The following MARCHF6 variants were observed in gnomAD, a reference collection of about 807,000 sequenced individuals.
MARCHF6 encodes the protein membrane associated ring-CH-type finger 6, also known as E3 ubiquitin-protein ligase MARCHF6.
MARCHF6 carries 31 observed loss-of-function variants against 133.7 expected under a neutral mutation model. The ratio of observed to expected loss-of-function variants is 0.23; its 90% CI spans 0.17 to 0.31. MARCHF6 has a LOEUF of 0.31. Among genes scored for constraint, MARCHF6 ranks in the 10% least tolerant of loss-of-function variants. The pLI, the probability that MARCHF6 is intolerant of heterozygous loss-of-function variation, is 1.00. For synonymous variants in MARCHF6, 395 were observed against 402.5 expected (o/e 0.98, Z 0.22); for missense variants, 723 against 1,121.6 (o/e 0.64, Z 5.08).
chr5:10,362,091 C>T (rs1156315016), intron 1 of MARCHF6, among the ~76,000 whole-genome samples: 1 of 152,100 alleles, frequency 6.6e-6, no homozygotes, highest in African/African-American at 2.4e-5. Flanking sequence ...TCCTGTCTCT[C>T]TCCTTCCCTT....
In MARCHF6 at chr5:10,390,319, T is replaced by A; in HGVS notation, c.408-13T>A. Reference sequence around the variant, plus strand: ...TTCTTTGGAGTAATTATATGTACTTTTTTTTTTAATAGGGAAAATTTGTTG... The same window carrying A: ...TTCTTTGGAGTAATTATATGTACTTATTTTTTTAATAGGGAAAATTTGTTG... On this transcript the variant is annotated splice_polypyrimidine_tract_variant and intron_variant, in intron 5 of 25. Transcript: ENST00000274140. 6.2e-7 allele frequency: 1 copy of A among 1,610,680 alleles called. No individual in the cohort carries two copies.
intron 22 of MARCHF6, among the ~76,000 whole-genome samples, chr5:10,419,861 T>C (rs2126313274): frequency 6.6e-6 from 1 of 152,358 alleles, no homozygotes; most frequent in African/African-American, 2.4e-5. Context: ...GGGTCAGATA[T>C]TAAGACAGGG....
At chr5:10,395,304 GAAAAT>G (rs1375410740) in intron 9 of MARCHF6, among the ~76,000 whole-genome samples, 1 of 152,136 alleles carries the variant, frequency 6.6e-6, no homozygotes, top group African/African-American at 2.4e-5. Context: ...TTTTAGCAAA[GAAAAT>G]AAACCCCAAA....
chr5:10,416,173 A>G (rs1218064510), intron 21 of MARCHF6, among the ~76,000 whole-genome samples: 1 of 152,176 alleles, frequency 6.6e-6, no homozygotes, highest in African/African-American at 2.4e-5. Flanking sequence ...TATGACTCCC[A>G]CAAATGTAGG....
Position 10,402,369 on chromosome 5 carries a change from G to A in MARCHF6, c.1054-15G>A, listed in dbSNP as rs747220993. 5.0e-6 allele frequency: 8 copies of A among 1,611,750 alleles called. No individual in the cohort carries two copies. The African/African-American group carries it at 5.3e-5, about 11-fold the overall frequency. On this transcript the variant is annotated splice_polypyrimidine_tract_variant and intron_variant, in intron 12 of 25. Coordinates refer to ENST00000274140, the MANE Select transcript of MARCHF6 (RefSeq NM_005885.4). ...ACCTTTAAATACTCAGTTTTTCCTTGACCTGATGCTGTAGGGCTTGGCAAC... is the reference window on the plus strand; with the variant it reads ...ACCTTTAAATACTCAGTTTTTCCTTAACCTGATGCTGTAGGGCTTGGCAAC...
chr5:10,429,548 C>T (rs964104648), intron 24 of MARCHF6, among the ~76,000 whole-genome samples: 2 of 151,998 alleles, frequency 1.3e-5, no homozygotes, highest in South Asian at 2.1e-4. Context: ...ACAGGTGCAA[C>T]GCCACCACAC....
chr5:10,385,747 T>C (rs1737428593), intron 4 of MARCHF6, among the ~76,000 whole-genome samples: 1 of 152,184 alleles, frequency 6.6e-6, no homozygotes, highest in African/African-American at 2.4e-5. Context: ...ATTAAAGAAC[T>C]TTTATACACC....
chr5:10,363,469 G>C (rs755494380), intron 1 of MARCHF6, among the ~76,000 whole-genome samples: 3 of 152,194 alleles, frequency 2.0e-5, no homozygotes, highest in Non-Finnish European at 4.4e-5. Flanking sequence ...TGCTAGGATG[G>C]CTATAATCAG....
Position 10,390,411 on chromosome 5 carries a change from T to C in MARCHF6, c.487T>C (p.Leu163=). ...TLCAFISLVW[L]REQIVHGGAP... ...GTGTGCATTCATCAGCCTGGTGTGGTTGAGAGAGCAGATAGTCCATGGGGG... is the reference window on the plus strand; with the variant it reads ...GTGTGCATTCATCAGCCTGGTGTGGCTGAGAGAGCAGATAGTCCATGGGGG... Residue 163 remains leucine (L), a synonymous_variant, in exon 6 of 26, where the codon TTG becomes CTG. Coordinates refer to ENST00000274140, the MANE Select transcript of MARCHF6 (RefSeq NM_005885.4). 1 of 1,614,086 alleles carries C rather than the reference T, an allele frequency of 6.2e-7. No homozygotes were observed. The highest frequency in any genetic ancestry group is 8.5e-7 in the Non-Finnish European group (1 of 1,180,008).
At chr5:10,400,023 C>T (rs867527492) in intron 10 of MARCHF6, among the ~76,000 whole-genome samples, 3 of 152,088 alleles carry the variant, frequency 2.0e-5, no homozygotes, top group Non-Finnish European at 4.4e-5. Flanking sequence ...GGGACAAATC[C>T]ATCACTGGTC....
At chr5:10,380,017 G>C (rs1157003984) in intron 3 of MARCHF6, among the ~76,000 whole-genome samples, 1 of 152,068 alleles carries the variant, frequency 6.6e-6, no homozygotes, top group Non-Finnish European at 1.5e-5. Context: ...TATGATTCCT[G>C]TGCCTATTAA....
At chr5:10,364,558 A>G (rs1036970159) in intron 1 of MARCHF6, among the ~76,000 whole-genome samples, 2 of 152,186 alleles carry the variant, frequency 1.3e-5, no homozygotes, top group Non-Finnish European at 2.9e-5. Flanking sequence ...CTATCACTGA[A>G]CAGGGACTGA....
intron 25 of MARCHF6, among the ~76,000 whole-genome samples, chr5:10,431,501 C>G (rs1740357555): frequency 6.6e-6 from 1 of 152,130 alleles, no homozygotes; most frequent in Non-Finnish European, 1.5e-5. Context: ...TTCCTCTTTT[C>G]CCATCTGTTC....
intron 1 of MARCHF6, among the ~76,000 whole-genome samples, chr5:10,357,121 CCCT>C (rs756239467): frequency 2.0e-5 from 3 of 151,998 alleles, no homozygotes; most frequent in Non-Finnish European, 2.9e-5. Flanking sequence ...TAGACATTTG[CCCT>C]CCTCATTTTA....
intron 5 of MARCHF6, 79 bp downstream of exon 5, chr5:10,387,145 T>C: frequency 1.9e-6 from 2 of 1,060,110 alleles, no homozygotes; most frequent in Admixed American, 2.2e-5. Context: ...TATTTTATTA[T>C]AATTTGTAAA....
intron 3 of MARCHF6, among the ~76,000 whole-genome samples, chr5:10,380,155 TTG>T (rs200405883): frequency 0.083 from 12,144 of 145,524 alleles, 1,235 homozygotes; most frequent in African/African-American, 0.25. Context: ...TGTGTTTTAG[TTG>T]TGTGTGTGTG....
rs1338308855 is a variant in MARCHF6, at chr5:10,436,243, C to T, written c.*2559C>T. ...ACAATATGAATGGCCAAAAAATTGC[C>T]CTCCATTTTACTGGCAGGTAATTTA... On this transcript the variant is annotated 3_prime_UTR_variant, in exon 26 of 26. Coordinates refer to ENST00000274140, the MANE Select transcript of MARCHF6 (RefSeq NM_005885.4). 2 of 152,032 alleles carry T rather than the reference C, an allele frequency of 1.3e-5. No individual in the cohort carries two copies. Among genetic ancestry groups the T allele is most frequent in the Non-Finnish European group, 2.9e-5 (2 of 67,998 alleles). 9.4% of individuals were successfully genotyped at this position (152,032 alleles called of 1,614,324 possible).
At chr5:10,410,987 C>G (rs1739195908) in intron 18 of MARCHF6, among the ~76,000 whole-genome samples, 1 of 152,094 alleles carries the variant, frequency 6.6e-6, no homozygotes, top group East Asian at 1.9e-4. Context: ...TATGTACTTA[C>G]ACCTTGTGCT....
chr5:10,396,996 G>T (rs1332220654), intron 9 of MARCHF6, among the ~76,000 whole-genome samples: 1 of 152,114 alleles, frequency 6.6e-6, no homozygotes, highest in African/African-American at 2.4e-5. Flanking sequence ...GAAATCTGGT[G>T]GTTATGAAAA....
Sources: gnomAD v4.1 joint callset for allele counts (sites outside exome capture counted in the v4.1 genomes callset) on GRCh38, gnomAD v4.1.1 for gene constraint, MANE v1.5 for transcripts, NCBI Gene and HGNC (gene_info 2026-07-23, HGNC 2026-07-21) for gene names.